The following WDHD1 variants were observed in gnomAD, a reference collection of about 807,000 sequenced individuals.
WDHD1 encodes WD repeat and HMG-box DNA-binding protein 1.
In WDHD1, 111 loss-of-function variants were observed where a neutral mutation model predicts 135.4. The observed-to-expected ratio is 0.82, with a 90% CI of 0.70 to 0.96. WDHD1 has a LOEUF of 0.96. WDHD1 is among the 40% of genes least tolerant of loss of function. WDHD1 has a pLI of 0.00. For synonymous variants in WDHD1, 434 were observed against 439.0 expected (o/e 0.99, Z 0.14); for missense variants, 1,351 against 1,336.3 (o/e 1.01, Z -0.17).
At chr14:54,963,300 C>T (rs1416360047) in intron 18 of WDHD1, 128 bp from the exon 19 acceptor site, 7 of 717,214 alleles carry the variant, frequency 9.8e-6, no homozygotes, top group South Asian at 7.8e-5. Context: ...TTCTAAGATG[C>T]ACATTTTTAC....
At chr14:54,987,510 A>G (rs781582295) in intron 13 of WDHD1, 123 bp from the exon 14 acceptor site, 5 of 791,164 alleles carry the variant, frequency 6.3e-6, no homozygotes, top group Non-Finnish European at 9.0e-6. Context: ...ATACACTAGT[A>G]TAAGAAGTTG....
At chr14:54,975,511 C>T (rs1238088068) in intron 16 of WDHD1, among the ~76,000 whole-genome samples, 1 of 152,074 alleles carries the variant, frequency 6.6e-6, no homozygotes, top group Non-Finnish European at 1.5e-5. Context: ...CCAGGCCTGG[C>T]TAATTTTTGT....
chr14:54,975,615 C>T (rs1047517476), intron 16 of WDHD1, among the ~76,000 whole-genome samples: 1 of 152,166 alleles, frequency 6.6e-6, no homozygotes, highest in Non-Finnish European at 1.5e-5. Context: ...TCCCAAGGTG[C>T]TGGGATTACA....
intron 24 of WDHD1, among the ~76,000 whole-genome samples, chr14:54,949,247 A>C (rs2040994443): frequency 6.6e-6 from 1 of 152,088 alleles, no homozygotes; most frequent in African/African-American, 2.4e-5. Context: ...GGAGCTAAAA[A>C]CCTTGAAAAA....
chr14:55,018,731 C>T (rs539227688), intron 2 of WDHD1, among the ~76,000 whole-genome samples: 2 of 152,292 alleles, frequency 1.3e-5, no homozygotes, highest in East Asian at 3.9e-4. Flanking sequence ...TGCCAAGTAC[C>T]TTAGAACCTA....
chr14:54,978,807 A>G (rs2041569621), intron 16 of WDHD1, among the ~76,000 whole-genome samples: 1 of 152,134 alleles, frequency 6.6e-6, no homozygotes, highest in African/African-American at 2.4e-5. Flanking sequence ...AAATAACTGA[A>G]TTCTGCTTCA....
chr14:54,993,376 T>A (rs2041822925), intron 11 of WDHD1, among the ~76,000 whole-genome samples: 1 of 152,110 alleles, frequency 6.6e-6, no homozygotes, highest in Admixed American at 6.6e-5. Context: ...TGCCTGGGCC[T>A]CCCAAAGTGC....
At chr14:54,953,641 T>C (rs1267767694) in intron 24 of WDHD1, among the ~76,000 whole-genome samples, 1 of 152,208 alleles carries the variant, frequency 6.6e-6, no homozygotes, top group Non-Finnish European at 1.5e-5. Context: ...CAAAGGATTA[T>C]AAATCATGCT....
In WDHD1 at chr14:54,948,413, C is replaced by G. The variant is rs933040939; in HGVS notation, c.3051-3943G>C. Among the ~76,000 whole-genome samples, 10 of 152,222 alleles carry G rather than the reference C, an allele frequency of 6.6e-5. No individual in the cohort carries two copies. The South Asian group carries it at 8.3e-4, about 13-fold the overall frequency. ...CACACCAGGAGATTATATCCCACTCCTGGCTCAGAGGGTCCCATGCCCATG... is the reference window on the plus strand; with the variant it reads ...CACACCAGGAGATTATATCCCACTCGTGGCTCAGAGGGTCCCATGCCCATG... On this transcript the variant is annotated intron_variant, in intron 24 of 25. Transcript: ENST00000360586.
intron 24 of WDHD1, among the ~76,000 whole-genome samples, chr14:54,949,446 TAGAGAAAAA>T (rs1270778526): frequency 6.6e-6 from 1 of 151,928 alleles, no homozygotes; most frequent in East Asian, 1.9e-4. Context: ...AAGAAAAGTT[TAGAGAAAAA>T]AGAGTAAAAA....
chr14:55,005,553 T>G, intron 7 of WDHD1: 1 of 595,378 alleles, frequency 1.7e-6, no homozygotes, highest in Non-Finnish European at 3.2e-6. Context: ...ATGATGTAGA[T>G]GCCAACACTT....
chr14:54,958,636 T>C (rs1002922788), intron 21 of WDHD1, among the ~76,000 whole-genome samples: 2 of 152,152 alleles, frequency 1.3e-5, no homozygotes, highest in Admixed American at 1.3e-4. Flanking sequence ...TAGCTGACTG[T>C]TCCTTACTTC....
chr14:55,013,706 G>A, intron 2 of WDHD1, 110 bp from the exon 3 acceptor site: 1 of 798,078 alleles, frequency 1.3e-6, no homozygotes. Flanking sequence ...AGGAGTTCAA[G>A]ACTAGCCTGG....
intron 24 of WDHD1, among the ~76,000 whole-genome samples, chr14:54,950,210 AGAG>A (rs1482862901): frequency 2.6e-5 from 4 of 152,198 alleles, no homozygotes; most frequent in African/African-American, 9.7e-5. Context: ...AATTGGATAA[AGAG>A]TCAAGACCCA....
intron 2 of WDHD1, among the ~76,000 whole-genome samples, chr14:55,016,311 T>C (rs1566744707): frequency 6.6e-6 from 1 of 152,212 alleles, no homozygotes; most frequent in Non-Finnish European, 1.5e-5. Flanking sequence ...TAAAAAAGTA[T>C]ATCAAGTACA....
chr14:54,980,027 G>A (rs2041591409), intron 16 of WDHD1, among the ~76,000 whole-genome samples: 1 of 152,124 alleles, frequency 6.6e-6, no homozygotes, highest in African/African-American at 2.4e-5. Context: ...CATATCATAT[G>A]GTAAGTATAC....
intron 10 of WDHD1, 68 bp from the exon 11 acceptor site, chr14:54,995,881 G>A: frequency 1.5e-6 from 2 of 1,306,436 alleles, no homozygotes; most frequent in Non-Finnish European, 2.0e-6. Flanking sequence ...TACTAAAAAG[G>A]TAAACTTTTA....
Position 54,989,026 on chromosome 14 carries a change from A to C in WDHD1, c.1526+2T>G. On this transcript the variant is annotated splice_donor_variant, in intron 13 of 25. Coordinates refer to ENST00000360586, the MANE Select transcript of WDHD1 (RefSeq NM_007086.4). LOFTEE classifies it high-confidence loss of function. ...AATTCTTCCTAATAATCTTGAGTTT[A>C]CCTTGCTAGTTCATCAGTGCTTTCA... The C allele has an allele frequency of 2.5e-6, 4 of 1,607,316 alleles. No homozygotes were observed. Among genetic ancestry groups the C allele is most frequent in the Non-Finnish European group, 3.4e-6 (4 of 1,175,796 alleles).
At chr14:55,026,899 T>G (rs903498697) in intron 1 of WDHD1, 96 bp from the exon 2 acceptor site, 5 of 1,179,312 alleles carry the variant, frequency 4.2e-6, no homozygotes, top group Non-Finnish European at 6.3e-6. Context: ...CTAGGGCCCG[T>G]TCTCCGCAGC....
Sources: allele counts gnomAD v4.1 joint callset (sites outside exome capture counted in the v4.1 genomes callset), GRCh38; gene constraint gnomAD v4.1.1; transcripts MANE v1.5; gene names NCBI Gene and HGNC (gene_info 2026-07-23, HGNC 2026-07-21).